The following SNX10 variants were observed in gnomAD, a reference collection of about 807,000 sequenced individuals.
SNX10 encodes sorting nexin 10.
SNX10 carries 25 observed loss-of-function variants against 28.5 expected under a neutral mutation model. The ratio of observed to expected loss-of-function variants is 0.88; its 90% CI spans 0.64 to 1.22. The LOEUF is 1.22. Ranked by LOEUF, SNX10 falls within the 50% of genes most tolerant of loss-of-function variation. The probability of loss-of-function intolerance (pLI) is 0.00; values close to 1 mark genes in which losing one functional copy is unlikely to be tolerated. For synonymous variants in SNX10, 62 were observed against 81.4 expected, an observed-to-expected ratio of 0.76 and a Z score of 1.28; for missense variants, 223 against 242.6, an observed-to-expected ratio of 0.92 and a Z score of 0.54.
chr7:26,318,470 GTTATTA>G (rs963887768), intron 1 of SNX10, among the ~76,000 whole-genome samples: 1 of 152,000 alleles, frequency 6.6e-6, no homozygotes, highest in African/African-American at 2.4e-5. Flanking sequence ...ATTTATTATT[GTTATTA>G]TTATTATTTG....
intron 1 of SNX10, among the ~76,000 whole-genome samples, chr7:26,345,401 A>G (rs1373004422): frequency 1.3e-5 from 2 of 151,992 alleles, no homozygotes; most frequent in Non-Finnish European, 2.9e-5. Flanking sequence ...CTGCTCTCCC[A>G]TTCCCTCTCC....
chr7:26,368,202 T>C (rs567248144), intron 5 of SNX10, among the ~76,000 whole-genome samples: 2 of 152,320 alleles, frequency 1.3e-5, no homozygotes, highest in Admixed American at 6.5e-5. Context: ...ATCTCAGTTT[T>C]ATAGATAAAG....
chr7:26,295,646 A>T (rs1786078636), intron 1 of SNX10, among the ~76,000 whole-genome samples: 1 of 152,212 alleles, frequency 6.6e-6, no homozygotes, highest in Admixed American at 6.5e-5. Flanking sequence ...CTGTGGATTA[A>T]GTGGTGCCAG....
At chr7:26,323,265 A>C (rs1335190674) in intron 1 of SNX10, among the ~76,000 whole-genome samples, 1 of 151,998 alleles carries the variant, frequency 6.6e-6, no homozygotes, top group East Asian at 1.9e-4. Flanking sequence ...CAAACAAAAC[A>C]AAACAAAAAT....
chr7:26,335,768 G>T (rs1787908198), intron 1 of SNX10, among the ~76,000 whole-genome samples: 1 of 110,534 alleles, frequency 9.0e-6, no homozygotes, highest in Non-Finnish European at 1.9e-5. Flanking sequence ...TTTTGAGACG[G>T]AGTCTCGTTC....
intron 1 of SNX10, among the ~76,000 whole-genome samples, chr7:26,334,242 T>C (rs1195957794): frequency 6.6e-6 from 1 of 152,238 alleles, no homozygotes; most frequent in Non-Finnish European, 1.5e-5. Context: ...GATACATATG[T>C]ACAATGTGTA....
chr7:26,333,509 A>G (rs1185404366), intron 1 of SNX10, among the ~76,000 whole-genome samples: 1 of 151,146 alleles, frequency 6.6e-6, no homozygotes, highest in Non-Finnish European at 1.5e-5. Context: ...TATTTTTAGT[A>G]GAGATGGGGT....
intron 1 of SNX10, among the ~76,000 whole-genome samples, chr7:26,338,919 C>T (rs945810909): frequency 1.3e-5 from 2 of 152,310 alleles, no homozygotes; most frequent in Middle Eastern, 3.4e-3. Flanking sequence ...TGCAAAGTAT[C>T]TAAAGCATGG....
chr7:26,357,280 A>G (rs887673831), intron 2 of SNX10, among the ~76,000 whole-genome samples: 2 of 151,624 alleles, frequency 1.3e-5, no homozygotes, highest in Non-Finnish European at 2.9e-5. Flanking sequence ...GTTGCATTTG[A>G]AAAATGAATT....
chr7:26,310,225 G>T (rs1240339591), intron 1 of SNX10, among the ~76,000 whole-genome samples: 1 of 152,210 alleles, frequency 6.6e-6, no homozygotes, highest in Non-Finnish European at 1.5e-5. Flanking sequence ...TTCCCAGGTG[G>T]TTGGGCGGCT....
At chr7:26,346,370 C>T (rs953890585) in intron 1 of SNX10, 50 bp from the exon 2 acceptor site, 13 of 1,165,896 alleles carry the variant, frequency 1.1e-5, no homozygotes, top group Non-Finnish European at 1.6e-5. Flanking sequence ...GGTGTATCCA[C>T]TCCAGTTTGG....
intron 1 of SNX10, among the ~76,000 whole-genome samples, chr7:26,326,813 G>A (rs1470989471): frequency 2.0e-5 from 3 of 152,080 alleles, no homozygotes; most frequent in South Asian, 2.1e-4. Context: ...TGATCCTCCT[G>A]CCTCAGCCTC....
chr7:26,358,805 G>GGTT (rs1554360945), intron 2 of SNX10, among the ~76,000 whole-genome samples: 2 of 100,112 alleles, frequency 2.0e-5, no homozygotes, highest in Admixed American at 1.1e-4. Context: ...GTTATCTTGT[G>GGTT]TTTTTTTTTT....
intron 1 of SNX10, among the ~76,000 whole-genome samples, chr7:26,336,370 T>C (rs1397958159): frequency 2.0e-5 from 3 of 149,024 alleles, no homozygotes; most frequent in East Asian, 4.0e-4. Context: ...TAAGTAAATA[T>C]GTAAAAAAAA....
At chr7:26,316,891 T>C (rs1290013168) in intron 1 of SNX10, among the ~76,000 whole-genome samples, 1 of 152,210 alleles carries the variant, frequency 6.6e-6, no homozygotes, top group African/African-American at 2.4e-5. Context: ...AATTGGAGTA[T>C]GCCCAGAATA....
chr7:26,314,396 A>G (rs1786982945), intron 1 of SNX10, among the ~76,000 whole-genome samples: 1 of 152,054 alleles, frequency 6.6e-6, no homozygotes, highest in African/African-American at 2.4e-5. Flanking sequence ...CTGGGATTAC[A>G]GGCGTGTGTC....
chr7:26,348,995 A>C (rs1726902701), intron 2 of SNX10, among the ~76,000 whole-genome samples: 1 of 152,226 alleles, frequency 6.6e-6, no homozygotes, highest in South Asian at 2.1e-4. Context: ...TTATCTAATC[A>C]GCTCCTCAAC....
chr7:26,344,749 A>C (rs1418735774), intron 1 of SNX10, among the ~76,000 whole-genome samples: 3 of 152,168 alleles, frequency 2.0e-5, no homozygotes, highest in Non-Finnish European at 4.4e-5. Context: ...ACTGAACGGA[A>C]TCTCCAGTTC....
At chr7:26,311,051 G>A (rs1786821027) in intron 1 of SNX10, among the ~76,000 whole-genome samples, 2 of 152,206 alleles carry the variant, frequency 1.3e-5, no homozygotes, top group African/African-American at 4.8e-5. Flanking sequence ...GAGCTTGGCT[G>A]AGGGGGTGGC....
Sources: gnomAD v4.1 joint callset for allele counts (sites outside exome capture counted in the v4.1 genomes callset) on GRCh38, gnomAD v4.1.1 for gene constraint, MANE v1.5 for transcripts, NCBI Gene and HGNC (gene_info 2026-07-23, HGNC 2026-07-21) for gene names.